WWOX: variants seen among roughly 807,000 people sequenced by gnomAD.
The protein encoded by WWOX is WW domain-containing oxidoreductase.
In WWOX, 69 loss-of-function variants were observed where a neutral mutation model predicts 46.2. The observed-to-expected ratio is 1.49, with a 90% CI of 1.23 to 1.82. The LOEUF is 1.82. WWOX is among the 40% of genes most tolerant of loss of function. The pLI, the probability that WWOX is intolerant of heterozygous loss-of-function variation, is 0.00. For synonymous variants in WWOX, 359 were observed against 202.6 expected (o/e 1.77, Z -6.56); for missense variants, 919 against 542.6 (o/e 1.69, Z -6.89).
chr16:78,960,282 A>G (rs1025335388), intron 8 of WWOX, among the ~76,000 whole-genome samples: 3 of 152,312 alleles, frequency 2.0e-5, no homozygotes, highest in Non-Finnish European at 2.9e-5. Context: ...AAAGACAGAA[A>G]ATGATAGGAC....
chr16:78,377,326 G>A (rs2081853575), intron 5 of WWOX, among the ~76,000 whole-genome samples: 2 of 152,122 alleles, frequency 1.3e-5, no homozygotes, highest in Non-Finnish European at 2.9e-5. Flanking sequence ...TCTGCTGAAG[G>A]ATTCTTTATC....
intron 5 of WWOX, among the ~76,000 whole-genome samples, chr16:78,318,304 T>G (rs550116871): frequency 7.0e-6 from 1 of 143,872 alleles, no homozygotes; most frequent in Admixed American, 6.9e-5. Flanking sequence ...TATCTGTGTT[T>G]ACAGTTCTAG....
chr16:78,444,538 T>A (rs1224492615), intron 8 of WWOX, among the ~76,000 whole-genome samples: 1 of 148,748 alleles, frequency 6.7e-6, no homozygotes, highest in Admixed American at 6.6e-5. Flanking sequence ...AATTCTTTTT[T>A]TTTTTTTTTT....
intron 5 of WWOX, among the ~76,000 whole-genome samples, chr16:78,205,388 C>T (rs1439242088): frequency 6.8e-6 from 1 of 148,118 alleles, no homozygotes; most frequent in African/African-American, 2.4e-5. Flanking sequence ...TTTCATTCTT[C>T]TATCCATCCA....
intron 5 of WWOX, among the ~76,000 whole-genome samples, chr16:78,216,392 A>G (rs1200615676): frequency 6.6e-6 from 1 of 152,216 alleles, no homozygotes; most frequent in African/African-American, 2.4e-5. Flanking sequence ...GTAACACATT[A>G]TCACCAGTGT....
In WWOX at chr16:78,643,272, C is replaced by T. The variant is rs140055896; in HGVS notation, c.1056+210520C>T. Among the ~76,000 whole-genome samples the T allele has an allele frequency of 6.3e-3, 965 of 152,262 alleles. 13 individuals are homozygous for T. The highest frequency in any genetic ancestry group is 0.022 in the African/African-American group (894 of 41,546). On this transcript the variant is annotated intron_variant, in intron 8 of 8. Transcript: ENST00000566780. ...TAATTATCATCTATCAAATTTTTAC[C>T]ATGTGCCAAGCATAGTCATATTTGG...
At chr16:78,975,801 C>G in intron 8 of WWOX, among the ~76,000 whole-genome samples, 1 of 152,092 alleles carries the variant, frequency 6.6e-6, no homozygotes, top group East Asian at 1.9e-4. Context: ...TTCTGCCAGG[C>G]CCTTGGAGGG....
At chr16:78,480,253 A>G (rs998980716) in intron 8 of WWOX, among the ~76,000 whole-genome samples, 5 of 152,232 alleles carry the variant, frequency 3.3e-5, no homozygotes, top group African/African-American at 1.2e-4. Flanking sequence ...GCACCGATAT[A>G]GAACATTTCT....
intron 5 of WWOX, among the ~76,000 whole-genome samples, chr16:78,239,514 C>T (rs1377720919): frequency 6.6e-6 from 1 of 152,122 alleles, no homozygotes; most frequent in East Asian, 1.9e-4. Context: ...CTTGCTTAGG[C>T]ATTAGTGATT....
At chr16:78,835,087 G>A (rs1319863597) in intron 8 of WWOX, among the ~76,000 whole-genome samples, 2 of 152,082 alleles carry the variant, frequency 1.3e-5, no homozygotes, top group Non-Finnish European at 2.9e-5. Flanking sequence ...GGAGGAGGAA[G>A]CTCCAAAAAT....
chr16:78,732,697 C>T (rs535138065), intron 8 of WWOX, among the ~76,000 whole-genome samples: 7 of 152,020 alleles, frequency 4.6e-5, no homozygotes, highest in African/African-American at 1.4e-4. Flanking sequence ...TATGAATTCA[C>T]CGAAATTTGA....
Position 78,461,491 on chromosome 16 carries a change from A to G in WWOX, c.1056+28739A>G, listed in dbSNP as rs1297320359. On this transcript the variant is annotated intron_variant, in intron 8 of 8. Coordinates refer to ENST00000566780, the MANE Select transcript of WWOX (RefSeq NM_016373.4). ...AATGTGTGCATAGGTGGGACTGCTGATCTTGTTTTATGAAAGAAATAAAGG... is the reference window on the plus strand; with the variant it reads ...AATGTGTGCATAGGTGGGACTGCTGGTCTTGTTTTATGAAAGAAATAAAGG... 2.0e-5 allele frequency among the ~76,000 whole-genome samples: 3 copies of G among 152,242 alleles called. No homozygotes were observed. The East Asian group carries it at 5.8e-4, about 29-fold the overall frequency.
At chr16:78,875,784 T>C (rs1244797995) in intron 8 of WWOX, among the ~76,000 whole-genome samples, 1 of 152,182 alleles carries the variant, frequency 6.6e-6, no homozygotes. Context: ...ATGTCCTGGA[T>C]AATCCTACAA....
chr16:78,764,952 C>T (rs1225417359), intron 8 of WWOX, among the ~76,000 whole-genome samples: 1 of 152,106 alleles, frequency 6.6e-6, no homozygotes. Context: ...TACACATCTG[C>T]TTACAATATT....
chr16:78,464,587 G>A (rs2084028770), intron 8 of WWOX, among the ~76,000 whole-genome samples: 2 of 152,160 alleles, frequency 1.3e-5, no homozygotes, highest in South Asian at 4.1e-4. Flanking sequence ...AAAGGTGCAG[G>A]TTAGAGGCTA....
chr16:78,411,075 C>T (rs956243623), intron 6 of WWOX, among the ~76,000 whole-genome samples: 2 of 152,134 alleles, frequency 1.3e-5, no homozygotes, highest in African/African-American at 4.8e-5. Flanking sequence ...CAGAAGCCAG[C>T]ATCTTTTTGT....
At chr16:78,403,240 C>G (rs953171345) in intron 6 of WWOX, among the ~76,000 whole-genome samples, 5 of 152,210 alleles carry the variant, frequency 3.3e-5, no homozygotes, top group African/African-American at 4.8e-5. Context: ...TGTAAATTCA[C>G]CTCTGCCACC....
chr16:78,722,698 GTTTTTTTTTT>G (rs56266240), intron 8 of WWOX, among the ~76,000 whole-genome samples: 76 of 116,302 alleles, frequency 6.5e-4, no homozygotes, highest in Admixed American at 1.9e-3. Flanking sequence ...GTTTGTCTCT[GTTTTTTTTTT>G]TTTTTTTTTT....
At chr16:78,591,559 G>T (rs1405702930) in intron 8 of WWOX, among the ~76,000 whole-genome samples, 1 of 152,142 alleles carries the variant, frequency 6.6e-6, no homozygotes, top group Non-Finnish European at 1.5e-5. Flanking sequence ...TTAACATCAG[G>T]CAAATGGGTT....
Sources: allele counts gnomAD v4.1 joint callset (sites outside exome capture counted in the v4.1 genomes callset), GRCh38; gene constraint gnomAD v4.1.1; transcripts MANE v1.5; gene names NCBI Gene and HGNC (gene_info 2026-07-23, HGNC 2026-07-21).